The following LCP2 variants were observed in gnomAD, a reference collection of about 807,000 sequenced individuals.
LCP2 encodes the protein lymphocyte cytosolic protein 2, also known as 76 kDa tyrosine phosphoprotein.
A neutral mutation model predicts 74.5 loss-of-function variants in LCP2; 29 were observed. The observed-to-expected ratio is 0.39, with a 90% CI of 0.29 to 0.53. The LOEUF (loss-of-function observed/expected upper bound fraction) is 0.53, where lower values mean the gene tolerates loss of function less well. LCP2 is among the 20% of genes least tolerant of loss of function. The pLI is 0.72. For missense variants in LCP2, 604 were observed against 634.6 expected (o/e 0.95, Z 0.52); for synonymous variants, 228 against 229.5 (o/e 0.99, Z 0.06).
At chr5:170,296,552 A>T (rs1762388838) in intron 1 of LCP2, among the ~76,000 whole-genome samples, 1 of 152,244 alleles carries the variant, frequency 6.6e-6, no homozygotes, top group Non-Finnish European at 1.5e-5. Context: ...TCTTTATGAC[A>T]GTCTGGAATA....
chr5:170,270,976 C>T, intron 6 of LCP2, 59 bp from the exon 7 acceptor site: 1 of 1,424,758 alleles, frequency 7.0e-7, no homozygotes, highest in Non-Finnish European at 9.6e-7. Flanking sequence ...CCTCGATGTG[C>T]CTGTGCCTAC....
At chr5:170,293,413 C>G in intron 1 of LCP2, 41 bp from the exon 2 acceptor site, 1 of 1,547,940 alleles carries the variant, frequency 6.5e-7, no homozygotes, top group Non-Finnish European at 8.8e-7. Flanking sequence ...GACGGGCAGT[C>G]TCTTACCATT....
At chr5:170,253,312 C>A in intron 17 of LCP2, 99 bp from the exon 18 acceptor site, 2 of 751,618 alleles carry the variant, frequency 2.7e-6, no homozygotes, top group Non-Finnish European at 4.4e-6. Context: ...CAAAAAAATA[C>A]CCTTGCGATT....
intron 5 of LCP2, among the ~76,000 whole-genome samples, chr5:170,274,810 A>C (rs1372518092): frequency 6.6e-6 from 1 of 152,046 alleles, no homozygotes; most frequent in Non-Finnish European, 1.5e-5. Flanking sequence ...CCCCGTCTCT[A>C]CTAAAAATAC....
Position 170,250,769 on chromosome 5 carries a change from A to C in LCP2, c.1440T>G (p.Ser480Arg). 6.2e-7 allele frequency: 1 copy of C among 1,613,378 alleles called. No homozygotes were observed. Among genetic ancestry groups the C allele is most frequent in the Non-Finnish European group, 8.5e-7 (1 of 1,179,326 alleles). ...YNIQIRYQKESQVYLLGTGLR... is the reference protein window; with the variant it reads ...YNIQIRYQKERQVYLLGTGLR... ...GTCCAGTTCCCAACAAGTAAACTTG[A>C]CTTTCCTTCTGATAACGGATCTGGA... The change falls in exon 20 of 21, where the codon AGT (serine) becomes AGG (arginine). Residue 480 changes from serine (S) to arginine (R), a missense_variant. Physicochemically the swap from Ser to Arg is moderately radical, Grantham distance 110. Transcript: ENST00000046794.
Position 170,281,482 on chromosome 5 carries a change from G to A in LCP2, c.189-5622C>T, listed in dbSNP as rs562773708. 7.0e-4 allele frequency among the ~76,000 whole-genome samples: 106 copies of A among 152,250 alleles called. 1 individual carries two copies. Among genetic ancestry groups the A allele is most frequent in the Non-Finnish European group, 1.2e-3 (84 of 68,012 alleles). ...TTTTTAGTAGAAACAGCGTTTCACT[G>A]TGTTAGCCAGGATGGTCTCGATCTC... On this transcript the variant is annotated intron_variant, in intron 3 of 20. Coordinates refer to ENST00000046794, the MANE Select transcript of LCP2 (RefSeq NM_005565.5).
intron 14 of LCP2, among the ~76,000 whole-genome samples, chr5:170,260,532 T>C (rs149525607): frequency 7.5e-4 from 114 of 152,324 alleles, no homozygotes; most frequent in African/African-American, 2.7e-3. Context: ...TCCTTATGGG[T>C]TCATTATACT....
intron 6 of LCP2, 73 bp from the exon 7 acceptor site, chr5:170,270,990 C>T (rs1385540494): frequency 5.3e-6 from 7 of 1,324,874 alleles, no homozygotes; most frequent in Non-Finnish European, 6.2e-6. Flanking sequence ...TGCCTACTCT[C>T]TCCCTGCCAA....
At chr5:170,265,683 T>C (rs1761741274) in intron 10 of LCP2, among the ~76,000 whole-genome samples, 1 of 152,136 alleles carries the variant, frequency 6.6e-6, no homozygotes, top group Non-Finnish European at 1.5e-5. Flanking sequence ...AGCTGTGATG[T>C]AGTTCGGGGA....
At position 170,267,402 on chromosome 5, in the gene LCP2, T is replaced by C. The variant is rs569758921; in HGVS notation, c.622-327A>G. The C allele has an allele frequency of 3.9e-4, 164 of 419,768 alleles. 1 individual carries two copies. The highest frequency in any genetic ancestry group is 3.5e-3 in the Middle Eastern group (5 of 1,430). 26.0% of individuals were successfully genotyped at this position (419,768 alleles called of 1,614,324 possible). A position where few individuals can be genotyped will look rare whatever the true frequency, so the allele number is the denominator to read the frequency against. On this transcript the variant is annotated intron_variant, in intron 8 of 20. Coordinates refer to ENST00000046794, the MANE Select transcript of LCP2 (RefSeq NM_005565.5). ...GGCCCATGTCTGCCCTCTCAACTCT[T>C]TCCTGTGATCCCTTCTCAGTACTCA...
At chr5:170,252,562 A>G in intron 18 of LCP2, 51 bp from the exon 19 acceptor site, 1 of 914,716 alleles carries the variant, frequency 1.1e-6, no homozygotes, top group South Asian at 1.5e-5. Context: ...TTACAGATGT[A>G]AGTGAAAAGA....
Position 170,256,285 on chromosome 5 carries a change from T to C in LCP2, c.1150+241A>G, listed in dbSNP as rs138244711. Among the ~76,000 whole-genome samples the C allele has an allele frequency of 2.7e-3, 405 of 152,326 alleles. 3 individuals are homozygous for C. Among genetic ancestry groups the C allele is most frequent in the African/African-American group, 9.2e-3 (384 of 41,570 alleles). On this transcript the variant is annotated intron_variant, in intron 17 of 20. Coordinates refer to ENST00000046794, the MANE Select transcript of LCP2 (RefSeq NM_005565.5). This position sits in a 1 kb window ranked among gnomAD's most constrained non-coding sequence, Gnocchi z 4.5. ...ATGCATGTGTGTGTGTGCATGTATA[T>C]GTGCATGTGTGTATGGGCATGTATA...
Position 170,262,489 on chromosome 5 carries a change from C to T in LCP2, c.926+146G>A, listed in dbSNP as rs185944265. On this transcript the variant is annotated intron_variant, in intron 13 of 20. Transcript: ENST00000046794. ...GATCCTTCATAGCCAACCTGTGAAG[C>T]CTGAACATCCCTCAAGCCACAGCAA... 363 of 618,484 alleles carry T rather than the reference C, an allele frequency of 5.9e-4. 2 individuals carry two copies. The East Asian group carries it at 8.5e-3, about 15-fold the overall frequency. 38.3% of individuals were successfully genotyped at this position (618,484 alleles called of 1,614,324 possible).
intron 2 of LCP2, among the ~76,000 whole-genome samples, chr5:170,288,958 A>G (rs1430322035): frequency 2.0e-5 from 3 of 152,210 alleles, no homozygotes; most frequent in African/African-American, 7.2e-5. Context: ...AGAACCAATG[A>G]TGAGCCAACA....
intron 2 of LCP2, among the ~76,000 whole-genome samples, chr5:170,288,730 G>T (rs315723): frequency 2.0e-5 from 3 of 152,122 alleles, no homozygotes; most frequent in African/African-American, 4.8e-5. Flanking sequence ...TTCCACTTGT[G>T]GGGGATGAGC....
chr5:170,287,276 A>G (rs1762198409), intron 3 of LCP2, among the ~76,000 whole-genome samples: 1 of 152,234 alleles, frequency 6.6e-6, no homozygotes, highest in Non-Finnish European at 1.5e-5. Flanking sequence ...TGTTTTGTCC[A>G]ATGATGATAA....
At chr5:170,278,115 C>A (rs905837239) in intron 3 of LCP2, among the ~76,000 whole-genome samples, 1 of 150,358 alleles carries the variant, frequency 6.7e-6, no homozygotes, top group Admixed American at 6.6e-5. Flanking sequence ...GTGTCCTGGC[C>A]GTGTCAGGTG....
chr5:170,287,802 C>A, intron 3 of LCP2, 168 bp downstream of exon 3: 2 of 664,204 alleles, frequency 3.0e-6, no homozygotes, highest in Non-Finnish European at 5.3e-6. Context: ...TGTTTTCCAG[C>A]TCTTCATGTA....
chr5:170,279,244 G>A (rs1325788446), intron 3 of LCP2, among the ~76,000 whole-genome samples: 1 of 152,180 alleles, frequency 6.6e-6, no homozygotes, highest in Non-Finnish European at 1.5e-5. Flanking sequence ...CGTGTAGGAA[G>A]GCAGCATTCT....
Sources: gnomAD v4.1 joint callset for allele counts (sites outside exome capture counted in the v4.1 genomes callset) on GRCh38, gnomAD v4.1.1 for gene constraint, Gnocchi (gnomAD v3.1) non-coding constraint, MANE v1.5 for transcripts, NCBI Gene and HGNC (gene_info 2026-07-23, HGNC 2026-07-21) for gene names.